Variants in TINCR observed in about 807,000 individuals in gnomAD.
The protein encoded by TINCR is TINCR ubiquitin domain containing.
downstream of TINCR, chr19:5,560,491 G>A (rs971007458): frequency 2.0e-5 from 3 of 152,244 alleles, no homozygotes; most frequent in Admixed American, 6.5e-5. This position sits in a 1 kb window ranked among gnomAD's most constrained non-coding sequence, Gnocchi z 4.5. Flanking sequence ...GCTGCGCAAC[G>A]ATGACGTGGC....
Position 5,563,426 on chromosome 19 carries a change from G to A in TINCR, c.261-477C>T, listed in dbSNP as rs72977062. ...GATGGAACCAGCTGAAGGACAGATA[G>A]AGGGGCTTGGGAGGAAGAGAGGAAT... is the stretch of plus-strand genomic sequence containing the variant. On this transcript the variant is annotated intron_variant, in intron 1 of 1. Coordinates refer to ENST00000646160, the Ensembl canonical transcript of TINCR. This position sits in a 1 kb window ranked among gnomAD's most constrained non-coding sequence, Gnocchi z 4.7. 8.9e-4 allele frequency among the ~76,000 whole-genome samples: 136 copies of A among 152,290 alleles called. 1 individual carries two copies. Among genetic ancestry groups the A allele is most frequent in the Middle Eastern group, 3.4e-3 (1 of 294 alleles).
chr19:5,564,639 C>T (rs891888733), intron 1 of TINCR, among the ~76,000 whole-genome samples: 6 of 152,202 alleles, frequency 3.9e-5, no homozygotes, highest in Non-Finnish European at 8.8e-5. Flanking sequence ...AGTGCAGAGG[C>T]ACGATCTCAG....
chr19:5,564,660 C>T (rs2052119105), intron 1 of TINCR, among the ~76,000 whole-genome samples: 1 of 152,228 alleles, frequency 6.6e-6, no homozygotes, highest in East Asian at 1.9e-4. Context: ...CTCACTGCAA[C>T]CTCCGCCTCC....
downstream of TINCR, chr19:5,559,234 T>C (rs956598345): frequency 6.6e-6 from 1 of 151,968 alleles, no homozygotes; most frequent in African/African-American, 2.4e-5. Context: ...CCGGCATGGG[T>C]TGGGGACGCC....
rs185235984 is a variant in TINCR at position 5,565,821 on chromosome 19, C to T, written c.260+1844G>A. 1.4e-4 allele frequency among the ~76,000 whole-genome samples: 21 copies of T among 152,260 alleles called. No homozygotes were observed. The highest frequency in any genetic ancestry group is 6.2e-4 in the South Asian group (3 of 4,822). ...CTCTAGAGGGCTGGTGAATGTGACC[C>T]CCATAAAATCCAGGGTAATTCACAT... On this transcript the variant is annotated intron_variant, in intron 1 of 1. Transcript: ENST00000646160. This position sits in a 1 kb window ranked among gnomAD's most constrained non-coding sequence, Gnocchi z 4.0.
At chr19:5,559,865 G>A (rs2052091837), downstream of TINCR, 1 of 152,410 alleles carries the variant, frequency 6.6e-6, no homozygotes, top group Middle Eastern at 3.4e-3. Context: ...GCATGAGCAG[G>A]GATCTGGGCT....
At chr19:5,559,567 C>A (rs2052089988), downstream of TINCR, 2 of 152,226 alleles carry the variant, frequency 1.3e-5, no homozygotes, top group African/African-American at 4.8e-5. Context: ...CATCTCCTGA[C>A]CTCATGATCC....
downstream of TINCR, chr19:5,560,065 C>T (rs543406817): frequency 2.0e-5 from 3 of 152,132 alleles, no homozygotes; most frequent in East Asian, 5.8e-4. This position sits in a 1 kb window ranked among gnomAD's most constrained non-coding sequence, Gnocchi z 4.5. Flanking sequence ...CCAGGCACAC[C>T]CAGGGGCCAG....
downstream of TINCR, chr19:5,561,537 C>T (rs545024904): frequency 1.3e-5 from 2 of 152,428 alleles, no homozygotes; most frequent in South Asian, 4.1e-4. Context: ...TCATCCCCTC[C>T]TGTGGATGTC....
chr19:5,564,196 G>C (rs117012071), intron 1 of TINCR, among the ~76,000 whole-genome samples: 2,323 of 152,290 alleles, frequency 0.015, 32 homozygotes, highest in South Asian at 0.021. Flanking sequence ...GGGCCTGGCA[G>C]GTTTGTCCCG....
At chr19:5,566,805 GACAC>G (rs771505638) in intron 1 of TINCR, among the ~76,000 whole-genome samples, 6 of 151,642 alleles carry the variant, frequency 4.0e-5, no homozygotes, top group Non-Finnish European at 8.8e-5. Context: ...GAGAGACAGA[GACAC>G]ACACACAGAG....
At chr19:5,567,875 T>C (rs1245276550) in exon 1 of TINCR, 26 of 391,452 alleles carry the variant, frequency 6.6e-5, no homozygotes, top group Non-Finnish European at 2.3e-5. Flanking sequence ...CAGGTGCACC[T>C]TGATGTGGTA....
At chr19:5,564,760 T>C (rs142563466) in intron 1 of TINCR, among the ~76,000 whole-genome samples, 329 of 152,338 alleles carry the variant, frequency 2.2e-3, no homozygotes, top group African/African-American at 7.4e-3. Context: ...GTATTTTTAG[T>C]AGAGACAGCG....
chr19:5,559,164 C>T (rs1194287010), downstream of TINCR: 2 of 152,204 alleles, frequency 1.3e-5, no homozygotes, highest in African/African-American at 4.8e-5. Flanking sequence ...AAAATGCTTT[C>T]TCCCACCTCC....
In TINCR at chr19:5,563,149, C is replaced by T. The variant is rs2052109902; in HGVS notation, c.261-200G>A. 6.6e-6 allele frequency among the ~76,000 whole-genome samples: 1 copy of T among 151,944 alleles called. No homozygotes were observed. Among genetic ancestry groups the T allele is most frequent in the Non-Finnish European group, 1.5e-5 (1 of 68,010 alleles). On this transcript the variant is annotated intron_variant, in intron 1 of 1. Transcript: ENST00000646160. The surrounding 1 kb of genome is among the most constrained non-coding windows in gnomAD (Gnocchi z 4.7). ...CAAGCAGGGAGGGAATACAGCAGGT[C>T]ATCCAGGGTCTTGCAAGCCTCAGGA...
rs967259081 is a variant in TINCR, at chr19:5,565,968, C to A, written c.260+1697G>T. ...CCCATTTCCCAGAGCTGCCCCAGGC[C>A]GGCAGTGAGCTGTTCCCGTGGCCCC... On this transcript the variant is annotated intron_variant, in intron 1 of 1. Coordinates refer to ENST00000646160, the Ensembl canonical transcript of TINCR. This position sits in a 1 kb window ranked among gnomAD's most constrained non-coding sequence, Gnocchi z 4.0. Among the ~76,000 whole-genome samples the A allele has an allele frequency of 3.9e-5, 6 of 152,204 alleles. No homozygotes were observed. Among genetic ancestry groups the A allele is most frequent in the Non-Finnish European group, 8.8e-5 (6 of 68,042 alleles).
At chr19:5,559,994 G>C (rs2052092667), downstream of TINCR, 1 of 152,244 alleles carries the variant, frequency 6.6e-6, no homozygotes, top group African/African-American at 2.4e-5. Flanking sequence ...TGGGTCTCTG[G>C]GGACAAAGTC....
chr19:5,567,635 G>GGC, intron 1 of TINCR, 30 bp downstream of exon 1: 1 of 111,788 alleles, frequency 8.9e-6, no homozygotes, highest in Non-Finnish European at 1.6e-5. Flanking sequence ...CGCCGCCCCC[G>GGC]CCCCACCCCA....
chr19:5,560,252 G>C (rs997701116), downstream of TINCR: 3 of 152,298 alleles, frequency 2.0e-5, no homozygotes, highest in African/African-American at 7.2e-5. The surrounding 1 kb of genome is among the most constrained non-coding windows in gnomAD (Gnocchi z 4.5). Flanking sequence ...CCCGGGCCAA[G>C]TGCTGTCCCC....
Sources: allele counts gnomAD v4.1 joint callset (sites outside exome capture counted in the v4.1 genomes callset), GRCh38; gene constraint gnomAD v4.1.1; non-coding constraint Gnocchi (gnomAD v3.1); transcripts MANE v1.5; gene names NCBI Gene and HGNC (gene_info 2026-07-23, HGNC 2026-07-21).